The following DSG3 variants were observed in gnomAD, a reference collection of about 807,000 sequenced individuals.
The protein encoded by DSG3 is desmoglein-3.
A neutral mutation model predicts 85.9 loss-of-function variants in DSG3; 63 were observed. The ratio of observed to expected loss-of-function variants is 0.73; its 90% CI spans 0.60 to 0.90. The LOEUF is 0.90. DSG3 is among the 40% of genes least tolerant of loss of function. DSG3 has a pLI of 0.00. For missense variants in DSG3, 1,220 were observed against 1,219.9 expected (o/e 1.00, Z 0.00); for synonymous variants, 447 against 441.9 (o/e 1.01, Z -0.14).
rs746773509 is a variant in DSG3 at position 31,461,239 on chromosome 18, A to G, written c.826A>G (p.Ile276Val). 1.9e-6 allele frequency: 3 copies of G among 1,612,926 alleles called. No individual in the cohort carries two copies. The highest frequency in any genetic ancestry group is 1.7e-4 in the Middle Eastern group (1 of 6,044). Residue 276 changes from isoleucine (I) to valine (V), a missense_variant, in exon 8 of 16, where the codon ATT becomes GTT. Ile to Val is a conservative substitution (Grantham distance 29). Coordinates refer to ENST00000257189, the MANE Select transcript of DSG3 (RefSeq NM_001944.3). The part of the protein sequence containing the change: ...MFRDSQYSAR[I>V]EENILSSELL... ...CTCGCCTTTTCAGTATTCAGCACGTATTGAAGAAAATATTTTAAGTTCTGA... is the reference window on the plus strand; with the variant it reads ...CTCGCCTTTTCAGTATTCAGCACGTGTTGAAGAAAATATTTTAAGTTCTGA...
intron 9 of DSG3, 142 bp downstream of exon 9, chr18:31,464,524 A>T: frequency 1.2e-6 from 1 of 867,372 alleles, no homozygotes; most frequent in Non-Finnish European, 1.7e-6. Flanking sequence ...CTCAAAAAGT[A>T]ACATTTAGCT....
Position 31,461,251 on chromosome 18 carries a change from A to G in DSG3, c.838A>G (p.Ile280Val). The G allele has an allele frequency of 1.9e-6, 3 of 1,613,324 alleles. No individual in the cohort carries two copies. Among genetic ancestry groups the G allele is most frequent in the Non-Finnish European group, 2.5e-6 (3 of 1,179,686 alleles). The stretch of plus-strand genomic sequence containing the variant: ...GTATTCAGCACGTATTGAAGAAAAT[A>G]TTTTAAGTTCTGAATTACTTCGATT... The part of the protein sequence containing the change: ...SQYSARIEEN[I>V]LSSELLRFQV... Residue 280 changes from isoleucine to valine, a missense_variant, in exon 8 of 16, where the codon ATT (isoleucine) becomes GTT (valine). By Grantham distance (29) the Ile-to-Val change is conservative. Coordinates refer to ENST00000257189, the MANE Select transcript of DSG3 (RefSeq NM_001944.3).
chr18:31,450,553 G>A (rs1284503307), intron 1 of DSG3, among the ~76,000 whole-genome samples: 1 of 152,120 alleles, frequency 6.6e-6, no homozygotes, highest in Non-Finnish European at 1.5e-5. Context: ...TTGCAGGGTG[G>A]GTTCTGAAAG....
intron 1 of DSG3, among the ~76,000 whole-genome samples, chr18:31,449,828 T>C (rs1243880640): frequency 6.6e-6 from 1 of 152,222 alleles, no homozygotes; most frequent in African/African-American, 2.4e-5. Context: ...CTGTCCCATA[T>C]GGTAGCCACC....
intron 1 of DSG3, among the ~76,000 whole-genome samples, chr18:31,449,845 A>G (rs1193747795): frequency 3.3e-5 from 5 of 152,196 alleles, no homozygotes; most frequent in Non-Finnish European, 1.5e-5. Flanking sequence ...CACCAGCCAC[A>G]TGTGGTTTTA....
rs144565301 is a variant in DSG3 at position 31,466,730 on chromosome 18, G to A, written c.1612G>A (p.Val538Ile). The A allele has an allele frequency of 5.7e-4, 913 of 1,614,110 alleles. 2 individuals carry two copies. Among genetic ancestry groups the A allele is most frequent in the East Asian group, 1.5e-3 (67 of 44,872 alleles). Residue 538 changes from valine to isoleucine, a missense_variant, in exon 11 of 16, where the codon GTA becomes ATA. Transcript: ENST00000257189. Reference protein sequence around the residue: ...LEDQPVKLPAVWSITTLNATS... With the variant: ...LEDQPVKLPAIWSITTLNATS... Reference sequence around the variant, plus strand: ...AGATCAACCTGTAAAGTTGCCTGCCGTATGGAGTATCACAACCCTCAATGG... The same window carrying A: ...AGATCAACCTGTAAAGTTGCCTGCCATATGGAGTATCACAACCCTCAATGG...
At chr18:31,461,546 G>A (rs2072786474) in intron 8 of DSG3, 134 bp downstream of exon 8, 6 of 878,814 alleles carry the variant, frequency 6.8e-6, no homozygotes, top group South Asian at 1.8e-5. Flanking sequence ...TGAATTTTTT[G>A]TAATCCCCAT....
intron 7 of DSG3, 49 bp downstream of exon 7, chr18:31,461,010 T>A (rs1568087777): frequency 6.6e-7 from 1 of 1,508,804 alleles, no homozygotes; most frequent in Non-Finnish European, 8.8e-7. Flanking sequence ...ATTTAATACT[T>A]TGAAATCCTA....
Position 31,478,632 on chromosome 18 carries a change from A to G in DSG3, c.*2372A>G, listed in dbSNP as rs1037417353. The G allele has an allele frequency of 1.3e-5, 2 of 152,204 alleles. No homozygotes were observed. Among genetic ancestry groups the G allele is most frequent in the Non-Finnish European group, 2.9e-5 (2 of 68,040 alleles). The allele number at this position is 152,204 out of a possible 1,614,324, so 9.4% of individuals were successfully genotyped here. A position where few individuals can be genotyped will look rare whatever the true frequency, so the allele number is the denominator to read the frequency against. ...TGATGTATTATACATTTTGAACCAT[A>G]TGTATTAAACCATAAACAGTATAAT... On this transcript the variant is annotated 3_prime_UTR_variant, in exon 16 of 16. Coordinates refer to ENST00000257189, the MANE Select transcript of DSG3 (RefSeq NM_001944.3).
chr18:31,471,311 A>G (rs1281189084), intron 12 of DSG3, among the ~76,000 whole-genome samples: 1 of 152,218 alleles, frequency 6.6e-6, no homozygotes, highest in Non-Finnish European at 1.5e-5. Context: ...GCCTTTACCT[A>G]TATTAATTCA....
chr18:31,458,380 TG>T (rs2072762259), intron 3 of DSG3, 64 bp from the exon 4 acceptor site: 1 of 1,510,824 alleles, frequency 6.6e-7, no homozygotes, highest in Non-Finnish European at 9.0e-7. Context: ...ACTATGGAAG[TG>T]GGGGTGGAGA....
At chr18:31,466,479 G>A in intron 10 of DSG3, 51 bp from the exon 11 acceptor site, 1 of 1,516,580 alleles carries the variant, frequency 6.6e-7, no homozygotes, top group Non-Finnish European at 9.1e-7. Flanking sequence ...CTCCTTTTTT[G>A]TACAACTTTG....
Position 31,475,820 on chromosome 18 carries a change from A to T in DSG3, c.2560A>T (p.Lys854Ter), listed in dbSNP as rs552614590. The stretch of plus-strand genomic sequence containing the variant: ...CTTGGACTCACTTGGACCCAAATTT[A>T]AAAAACTTGCAGAGATAAGCCTTGG... ...SFLDSLGPKF[K>*]KLAEISLGVD... The change falls in exon 16 of 16, where the codon AAA becomes TAA. Residue 854 changes from lysine to a stop codon, truncating the protein, a stop_gained. Transcript: ENST00000257189. LOFTEE classifies it low-confidence loss of function (END_TRUNC). 43 of 1,614,182 alleles carry T rather than the reference A, an allele frequency of 2.7e-5. 1 individual carries two copies. The highest frequency in any genetic ancestry group is 3.3e-4 in the Middle Eastern group (2 of 6,062).
intron 1 of DSG3, among the ~76,000 whole-genome samples, chr18:31,455,158 A>C (rs2072734640): frequency 6.6e-6 from 1 of 152,128 alleles, no homozygotes; most frequent in Non-Finnish European, 1.5e-5. Context: ...TCATCTGTAT[A>C]CTAGGGATTA....
chr18:31,473,846 T>C (rs1404770685), intron 14 of DSG3, among the ~76,000 whole-genome samples: 2 of 152,228 alleles, frequency 1.3e-5, no homozygotes, highest in Non-Finnish European at 2.9e-5. Flanking sequence ...AAATATCCTG[T>C]CTTTTCTATT....
At chr18:31,464,868 G>A (rs2072807809) in intron 9 of DSG3, among the ~76,000 whole-genome samples, 1 of 152,094 alleles carries the variant, frequency 6.6e-6, no homozygotes, top group African/African-American at 2.4e-5. Context: ...CTGGCACAGT[G>A]GCTCACACCT....
At chr18:31,457,909 A>G (rs112754332) in intron 3 of DSG3, among the ~76,000 whole-genome samples, 10,487 of 152,082 alleles carry the variant, frequency 0.069, 804 homozygotes, top group African/African-American at 0.2. Context: ...GATTACAGGC[A>G]TGAGCCACCA....
Position 31,475,930 on chromosome 18 carries a change from C to A in DSG3, c.2670C>A (p.Val890=), listed in dbSNP as rs1312492838. ...AATCCTGTGGCCATCCCATAGAAGT[C>A]CAGCAGACAGGATTTGTTAAGTGCC... ...GIESCGHPIE[V]QQTGFVKCQT... Residue 890 remains valine (V), a synonymous_variant, in exon 16 of 16, where the codon GTC becomes GTA. Transcript: ENST00000257189. 1 of 1,614,206 alleles carries A rather than the reference C, an allele frequency of 6.2e-7. No individual in the cohort carries two copies. Among genetic ancestry groups the A allele is most frequent in the Non-Finnish European group, 8.5e-7 (1 of 1,180,038 alleles).
chr18:31,457,910 T>G (rs531408670), intron 3 of DSG3, among the ~76,000 whole-genome samples: 134 of 152,264 alleles, frequency 8.8e-4, no homozygotes, highest in Middle Eastern at 3.4e-3. Context: ...ATTACAGGCA[T>G]GAGCCACCAC....
Sources: allele counts gnomAD v4.1 joint callset (sites outside exome capture counted in the v4.1 genomes callset), GRCh38; gene constraint gnomAD v4.1.1; transcripts MANE v1.5; gene names NCBI Gene and HGNC (gene_info 2026-07-23, HGNC 2026-07-21).